The following USP34 variants were observed in gnomAD, a reference collection of about 807,000 sequenced individuals.
USP34 encodes ubiquitin specific peptidase 34.
USP34 carries 70 observed loss-of-function variants against 460.3 expected under a neutral mutation model. That is an observed-to-expected ratio of 0.15 (90% CI 0.13 to 0.19). The LOEUF is 0.19. USP34 is among the 10% of genes least tolerant of loss of function. The probability of loss-of-function intolerance (pLI) is 1.00; values close to 1 mark genes in which losing one functional copy is unlikely to be tolerated. For missense variants in USP34, 3,985 were observed against 4,236.2 expected (o/e 0.94, Z 1.65); for synonymous variants, 1,647 against 1,405.3 (o/e 1.17, Z -3.85).
chr2:61,382,428 G>T (rs532958849), intron 6 of USP34, among the ~76,000 whole-genome samples: 2 of 152,038 alleles, frequency 1.3e-5, no homozygotes, highest in African/African-American at 2.4e-5. Context: ...TCTACAATAC[G>T]TCTTTCTAAT....
intron 78 of USP34, chr2:61,190,070 T>A: frequency 2.0e-6 from 1 of 509,480 alleles, no homozygotes; most frequent in African/African-American, 2.0e-5. Flanking sequence ...TGATACCAGC[T>A]TGTAGCTTCC....
At chr2:61,394,182 C>A (rs895252924) in intron 5 of USP34, among the ~76,000 whole-genome samples, 5 of 152,070 alleles carry the variant, frequency 3.3e-5, no homozygotes, top group Non-Finnish European at 7.4e-5. Context: ...GAAACTGATA[C>A]TCACAGGATA....
At chr2:61,419,971 A>G (rs982685266) in intron 2 of USP34, among the ~76,000 whole-genome samples, 5 of 152,182 alleles carry the variant, frequency 3.3e-5, no homozygotes, top group African/African-American at 1.2e-4. Context: ...TGCCAACTCT[A>G]CTGAGAGAGG....
At chr2:61,354,319 T>C (rs1303976658) in intron 10 of USP34, among the ~76,000 whole-genome samples, 1 of 152,158 alleles carries the variant, frequency 6.6e-6, no homozygotes. Flanking sequence ...TCCAAAACGT[T>C]AGAGGCCAGA....
Position 61,365,329 on chromosome 2 carries a change from A to G in USP34, c.1251+4992T>C, listed in dbSNP as rs188416666. Among the ~76,000 whole-genome samples the G allele has an allele frequency of 6.7e-4, 101 of 149,958 alleles. 1 individual carries two copies. Among genetic ancestry groups the G allele is most frequent in the Middle Eastern group, 6.8e-3 (2 of 292 alleles). ...TATAAATGTGTGTGTGTGTGTGTGT[A>G]TATATGTATGTATGTATGTATGTAT... On this transcript the variant is annotated intron_variant, in intron 10 of 79. Transcript: ENST00000398571.
At position 61,275,523 on chromosome 2, in the gene USP34, T is replaced by C. The variant is rs1222293233; in HGVS notation, c.5433+2642A>G. On this transcript the variant is annotated intron_variant, in intron 41 of 79. Transcript: ENST00000398571. ...CCTATAATCCTAGACACCTGGGAGG[T>C]TGGGGCAGGTGAATCACTTGATCTA... Among the ~76,000 whole-genome samples, 7 of 152,040 alleles carry C rather than the reference T, an allele frequency of 4.6e-5. No individual in the cohort carries two copies. In the South Asian group the frequency reaches 6.2e-4, roughly 14 times the overall value.
At chr2:61,343,722 C>G in intron 16 of USP34, 93 bp downstream of exon 16, 3 of 1,338,766 alleles carry the variant, frequency 2.2e-6, no homozygotes, top group Non-Finnish European at 3.1e-6. Flanking sequence ...ATTTAAGTAC[C>G]ATAACCTTAA....
intron 57 of USP34, among the ~76,000 whole-genome samples, chr2:61,232,865 C>G (rs1322877087): frequency 8.9e-6 from 1 of 112,842 alleles, no homozygotes; most frequent in East Asian, 2.9e-4. Flanking sequence ...TATATTCCCC[C>G]CCCCCTTTTT....
intron 5 of USP34, among the ~76,000 whole-genome samples, chr2:61,386,070 G>T (rs534332162): frequency 2.0e-4 from 31 of 151,622 alleles, no homozygotes; most frequent in African/African-American, 6.5e-4. Flanking sequence ...TTCTTGTAAA[G>T]CTTCAGTAAT....
chr2:61,301,491 T>C, intron 27 of USP34, 37 bp from the exon 28 acceptor site: 2 of 1,573,450 alleles, frequency 1.3e-6, no homozygotes, highest in Non-Finnish European at 1.7e-6. Context: ...AATTTGTTTT[T>C]AAGAATTAAC....
In USP34 at chr2:61,348,861, G is replaced by A. The variant is rs1691851552; in HGVS notation, c.1569C>T (p.Ser523=). ...SPWSPAASPQ[S]SDNSDTHQSG... ...TTTGATGTGTATCGCTATTATCACT[G>A]CTTTGAGGACTAGCTGCAGGTGACC... Residue 523 remains serine (S), a synonymous_variant, in exon 14 of 80, where the codon AGC becomes AGT. Coordinates refer to ENST00000398571, the MANE Select transcript of USP34 (RefSeq NM_014709.4). The A allele has an allele frequency of 1.2e-6, 2 of 1,612,400 alleles. No individual in the cohort carries two copies. The highest frequency in any genetic ancestry group is 1.7e-6 in the Non-Finnish European group (2 of 1,179,468).
At position 61,317,593 on chromosome 2, in the gene USP34, C is replaced by T. The variant is rs151029852; in HGVS notation, c.3282+61G>A. ...CTTTGTAGAAAAATAATTTGGAAAC[C>T]GAATTTGATAATCTAATTTGAGGAA... On this transcript the variant is annotated intron_variant, in intron 23 of 79. Transcript: ENST00000398571. The T allele has an allele frequency of 8.5e-5, 122 of 1,441,232 alleles. No individual in the cohort carries two copies. The African/African-American group carries it at 1.3e-3, about 16-fold the overall frequency. The allele number at this position is 1,441,232 out of a possible 1,614,324, so 89.3% of individuals were successfully genotyped here.
At chr2:61,241,269 C>T (rs1166815293) in intron 53 of USP34, among the ~76,000 whole-genome samples, 2 of 151,998 alleles carry the variant, frequency 1.3e-5, no homozygotes, top group Non-Finnish European at 2.9e-5. Flanking sequence ...GTCTTGAACC[C>T]CTGACCTCGT....
intron 1 of USP34, among the ~76,000 whole-genome samples, chr2:61,462,629 G>A (rs904538424): frequency 2.6e-5 from 4 of 151,486 alleles, no homozygotes. Flanking sequence ...GGGAGGCTGA[G>A]GCAAGCGGAT....
chr2:61,251,229 T>A (rs1335728490), intron 48 of USP34, among the ~76,000 whole-genome samples: 1 of 152,204 alleles, frequency 6.6e-6, no homozygotes, highest in Non-Finnish European at 1.5e-5. Flanking sequence ...GACATAAATA[T>A]CTGAATACAA....
intron 67 of USP34, among the ~76,000 whole-genome samples, chr2:61,215,901 A>T (rs539635142): frequency 3.2e-4 from 49 of 152,302 alleles, no homozygotes; most frequent in African/African-American, 1.1e-3. Context: ...GCTGGGATTC[A>T]AATCCAGCCA....
intron 48 of USP34, among the ~76,000 whole-genome samples, chr2:61,256,055 T>C (rs1688716760): frequency 6.6e-6 from 1 of 152,216 alleles, no homozygotes; most frequent in Non-Finnish European, 1.5e-5. Context: ...ACTGTATTAC[T>C]TAAGAAAATG....
intron 10 of USP34, among the ~76,000 whole-genome samples, chr2:61,366,444 G>A (rs756661138): frequency 2.6e-5 from 4 of 152,082 alleles, no homozygotes; most frequent in Non-Finnish European, 4.4e-5. Flanking sequence ...TCAGCCACCC[G>A]TCAGTCAGAA....
At chr2:61,424,300 T>TAG (rs1217394066) in intron 1 of USP34, among the ~76,000 whole-genome samples, 1 of 152,242 alleles carries the variant, frequency 6.6e-6, no homozygotes, top group African/African-American at 2.4e-5. Flanking sequence ...AGTATTTGCA[T>TAG]ATCTAAACAT....
Sources: allele counts gnomAD v4.1 joint callset (sites outside exome capture counted in the v4.1 genomes callset), GRCh38; gene constraint gnomAD v4.1.1; transcripts MANE v1.5; gene names NCBI Gene and HGNC (gene_info 2026-07-23, HGNC 2026-07-21).